The following KIAA1217 variants were observed in gnomAD, a reference collection of about 807,000 sequenced individuals.
KIAA1217 encodes KIAA1217.
A neutral mutation model predicts 163.9 loss-of-function variants in KIAA1217; 88 were observed. The observed-to-expected ratio is 0.54, with a 90% CI of 0.45 to 0.64. The LOEUF is 0.64. KIAA1217 is among the 30% of genes least tolerant of loss of function. The pLI is 0.00. For synonymous variants in KIAA1217, 903 were observed against 923.1 expected, an observed-to-expected ratio of 0.98 and a Z score of 0.39; for missense variants, 2,372 against 2,475.0, an observed-to-expected ratio of 0.96 and a Z score of 0.88.
At chr10:24,230,451 T>G (rs2071216235) in intron 2 of KIAA1217, among the ~76,000 whole-genome samples, 1 of 151,838 alleles carries the variant, frequency 6.6e-6, no homozygotes, top group South Asian at 2.1e-4. Context: ...GAGCCTGTAG[T>G]GTAGTCCATC....
chr10:24,056,024 TC>T (rs1242284925), intron 2 of KIAA1217, among the ~76,000 whole-genome samples: 2 of 151,394 alleles, frequency 1.3e-5, no homozygotes, highest in African/African-American at 2.4e-5. Context: ...GTAAAGAAAT[TC>T]CTCTGAGGCA....
chr10:23,945,322 A>T (rs1843975670), intron 1 of KIAA1217, among the ~76,000 whole-genome samples: 2 of 152,318 alleles, frequency 1.3e-5, no homozygotes, highest in South Asian at 4.1e-4. Context: ...TGATACCTGC[A>T]ACCACGTGGA....
intron 2 of KIAA1217, among the ~76,000 whole-genome samples, chr10:24,166,905 A>T (rs940937014): frequency 2.6e-5 from 4 of 152,246 alleles, no homozygotes; most frequent in Non-Finnish European, 5.9e-5. Flanking sequence ...CAACAAAAAA[A>T]TTAATCATTT....
At chr10:24,014,832 G>C (rs1329214430) in intron 2 of KIAA1217, among the ~76,000 whole-genome samples, 1 of 151,978 alleles carries the variant, frequency 6.6e-6, no homozygotes, top group Non-Finnish European at 1.5e-5. Flanking sequence ...GTTTTTCTAA[G>C]CAGTGTTAAA....
intron 2 of KIAA1217, among the ~76,000 whole-genome samples, chr10:24,304,233 A>G (rs554066868): frequency 3.7e-4 from 52 of 140,030 alleles, no homozygotes. Context: ...GCCTGACCAT[A>G]GTACTTAAGA....
At chr10:23,825,437 T>C (rs897906574) in intron 1 of KIAA1217, among the ~76,000 whole-genome samples, 1 of 152,254 alleles carries the variant, frequency 6.6e-6, no homozygotes, top group Non-Finnish European at 1.5e-5. Flanking sequence ...AATTAATCTA[T>C]ATTGATGAAC....
At chr10:24,250,349 A>G (rs1032982116) in intron 2 of KIAA1217, among the ~76,000 whole-genome samples, 1 of 152,066 alleles carries the variant, frequency 6.6e-6, no homozygotes, top group Non-Finnish European at 1.5e-5. Flanking sequence ...ATTTTGCACA[A>G]TGACTCCCAA....
chr10:23,911,897 C>T (rs1329581636), intron 1 of KIAA1217, among the ~76,000 whole-genome samples: 1 of 152,056 alleles, frequency 6.6e-6, no homozygotes, highest in African/African-American at 2.4e-5. Flanking sequence ...TGTGATAGCA[C>T]TGATTATTTC....
intron 3 of KIAA1217, among the ~76,000 whole-genome samples, chr10:24,385,980 G>A (rs1277927688): frequency 5.9e-5 from 9 of 152,120 alleles, no homozygotes; most frequent in Non-Finnish European, 1.2e-4. Flanking sequence ...CTGCGTAGTC[G>A]GCCTTCGGGG....
intron 1 of KIAA1217, among the ~76,000 whole-genome samples, chr10:23,779,477 C>A (rs1444146646): frequency 6.6e-6 from 1 of 152,144 alleles, no homozygotes; most frequent in Non-Finnish European, 1.5e-5. Flanking sequence ...AAAGCTCACT[C>A]AGTGTGAATG....
intron 1 of KIAA1217, among the ~76,000 whole-genome samples, chr10:23,754,725 A>C (rs1373180318): frequency 1.3e-5 from 2 of 151,472 alleles, no homozygotes; most frequent in African/African-American, 4.9e-5. Flanking sequence ...GAATCCTGAC[A>C]CTCAGCTGCT....
At position 24,420,084 on chromosome 10, in the gene KIAA1217, G is replaced by A. The variant is rs188796865; in HGVS notation, c.554-12911G>A. Among the ~76,000 whole-genome samples the A allele has an allele frequency of 2.2e-3, 328 of 152,192 alleles. 1 individual carries two copies. The highest frequency in any genetic ancestry group is 3.1e-3 in the Admixed American group (47 of 15,280). On this transcript the variant is annotated intron_variant, in intron 3 of 20. Transcript: ENST00000376454. The stretch of plus-strand genomic sequence containing the variant: ...TTTCTCTGCGATGGTCAGCTTAAAA[G>A]ACGTAGCTAGGTATGGGAGGCACCT...
chr10:23,843,726 T>C (rs1456386007), intron 1 of KIAA1217, among the ~76,000 whole-genome samples: 1 of 152,176 alleles, frequency 6.6e-6, no homozygotes. Context: ...AGGGTGATAA[T>C]GGTTGACCTG....
intron 1 of KIAA1217, among the ~76,000 whole-genome samples, chr10:23,828,015 A>C (rs1365210839): frequency 6.6e-6 from 1 of 152,236 alleles, no homozygotes; most frequent in East Asian, 1.9e-4. Context: ...GTTGTGGAGA[A>C]TTGAGCCAGA....
intron 1 of KIAA1217, among the ~76,000 whole-genome samples, chr10:23,855,972 C>T (rs988743600): frequency 6.6e-6 from 1 of 152,126 alleles, no homozygotes. Context: ...TCCTGTAGCT[C>T]GGAGTAGTTT....
chr10:23,816,668 G>A (rs11597290), intron 1 of KIAA1217, among the ~76,000 whole-genome samples: 1 of 152,076 alleles, frequency 6.6e-6, no homozygotes, highest in Non-Finnish European at 1.5e-5. Context: ...GAAATGAAGA[G>A]TGAAGAGTGA....
In KIAA1217 at chr10:23,694,795, C is replaced by T. The variant is rs777762099; in HGVS notation, c.-760C>T. 311 of 152,842 alleles carry T rather than the reference C, an allele frequency of 2.0e-3. 1 individual carries two copies. Among genetic ancestry groups the T allele is most frequent in the Middle Eastern group, 3.4e-3 (1 of 296 alleles). The allele number at this position is 152,842 out of a possible 1,614,324, so 9.5% of individuals were successfully genotyped here. On this transcript the variant is annotated 5_prime_UTR_variant, in exon 1 of 19. Transcript: ENST00000376462. ...AAGCAAGCGGGAGGCGCACTGGGGC[C>T]GCCGCCGTTCCCGCGCTCCTCCCTC...
At chr10:23,870,057 C>G (rs957172460) in intron 1 of KIAA1217, among the ~76,000 whole-genome samples, 8 of 152,056 alleles carry the variant, frequency 5.3e-5, no homozygotes, top group Non-Finnish European at 1.0e-4. Context: ...AATACGTGAA[C>G]ATGAAATGTA....
At chr10:24,118,601 A>T (rs1440215449) in intron 2 of KIAA1217, among the ~76,000 whole-genome samples, 1 of 152,212 alleles carries the variant, frequency 6.6e-6, no homozygotes, top group Non-Finnish European at 1.5e-5. Context: ...CAAGGAATAC[A>T]AGAGGACGCC....
Sources: allele counts gnomAD v4.1 joint callset (sites outside exome capture counted in the v4.1 genomes callset), GRCh38; gene constraint gnomAD v4.1.1; transcripts MANE v1.5; gene names NCBI Gene and HGNC (gene_info 2026-07-23, HGNC 2026-07-21).